FALEC: variants seen among roughly 807,000 people sequenced by gnomAD.
FALEC encodes the protein focally amplified lncRNA regulator of ECM1.
At chr1:150,532,718 A>G in the FALEC span, among the ~76,000 whole-genome samples, 1 of 152,040 alleles carries the variant, frequency 6.6e-6, no homozygotes, top group Non-Finnish European at 1.5e-5. Context: ...AGGCAAGGCC[A>G]CTGACTTCGT....
At chr1:150,532,961 C>T in the FALEC span, among the ~76,000 whole-genome samples, 1 of 152,146 alleles carries the variant, frequency 6.6e-6, no homozygotes, top group Non-Finnish European at 1.5e-5. Flanking sequence ...AGAGGAAGAG[C>T]TTTTCCAGGC....
chr1:150,534,820 A>C, the FALEC span, among the ~76,000 whole-genome samples: 1,522 of 148,234 alleles, frequency 0.01, 15 homozygotes, highest in Non-Finnish European at 0.016. Context: ...CCAGCCTGGC[A>C]ACAGAGCAAG....
chr1:150,523,843 G>A, the FALEC span, among the ~76,000 whole-genome samples: 12 of 152,196 alleles, frequency 7.9e-5, no homozygotes, highest in South Asian at 1.2e-3. Context: ...CTTGAGATGG[G>A]AGCTTATCCA....
downstream of FALEC, among the ~76,000 whole-genome samples, chr1:150,518,384 C>CTTTTTTTTTTTT (rs1560269472): frequency 7.8e-6 from 1 of 127,896 alleles, no homozygotes. Context: ...CCAAGTCTCT[C>CTTTTTTTTTTTT]TCTTTTTTTT....
At chr1:150,527,192 C>T in the FALEC span, among the ~76,000 whole-genome samples, 1 of 151,838 alleles carries the variant, frequency 6.6e-6, no homozygotes, top group East Asian at 1.9e-4. Context: ...CAGCCTGGCT[C>T]AGCCTCCCAA....
downstream of FALEC, among the ~76,000 whole-genome samples, chr1:150,522,896 T>TATAC (rs1395200330): frequency 5.9e-5 from 4 of 67,340 alleles, 1 homozygote; most frequent in Non-Finnish European, 1.3e-4. Flanking sequence ...TACGTATATA[T>TATAC]ATATATACAT....
At chr1:150,526,644 A>AT in the FALEC span, among the ~76,000 whole-genome samples, 2 of 149,152 alleles carry the variant, frequency 1.3e-5, no homozygotes, top group African/African-American at 2.5e-5. Context: ...ATTTATTTTT[A>AT]TTTTTTTGAG....
chr1:150,520,783 C>CTTTTTTTTTTTTTTTTTTTT (rs71086518), downstream of FALEC, among the ~76,000 whole-genome samples: 50 of 42,820 alleles, frequency 1.2e-3, 1 homozygote, highest in Non-Finnish European at 1.9e-3. Context: ...CTTTTCTTTT[C>CTTTTTTTTTTTTTTTTTTTT]TTTTTTTTTT....
At chr1:150,529,691 G>C in the FALEC span, among the ~76,000 whole-genome samples, 3 of 151,668 alleles carry the variant, frequency 2.0e-5, no homozygotes, top group Non-Finnish European at 4.4e-5. Context: ...TCCGCCTCCC[G>C]GGTTCACGCC....
At chr1:150,534,670 C>T in the FALEC span, among the ~76,000 whole-genome samples, 3 of 151,832 alleles carry the variant, frequency 2.0e-5, no homozygotes, top group Admixed American at 1.3e-4. Flanking sequence ...GGTGAAACCC[C>T]GTCTGTACTA....
chr1:150,521,220 A>C (rs960838067), downstream of FALEC, among the ~76,000 whole-genome samples: 1 of 152,236 alleles, frequency 6.6e-6, no homozygotes, highest in Non-Finnish European at 1.5e-5. Flanking sequence ...AAAATGGTAG[A>C]TATTGCATGA....
At chr1:150,524,075 G>A in the FALEC span, among the ~76,000 whole-genome samples, 2 of 152,164 alleles carry the variant, frequency 1.3e-5, no homozygotes, top group Non-Finnish European at 2.9e-5. Context: ...ACTCATTTTG[G>A]ACATTTGGCC....
intron 1 of FALEC, chr1:150,516,145 T>G (rs1446636351): frequency 2.0e-5 from 3 of 150,786 alleles, no homozygotes; most frequent in African/African-American, 7.3e-5. Context: ...TCCCAGCTAC[T>G]CGGGAGGCTG....
chr1:150,521,935 T>C (rs1182433857), downstream of FALEC, among the ~76,000 whole-genome samples: 1 of 152,196 alleles, frequency 6.6e-6, no homozygotes, highest in Non-Finnish European at 1.5e-5. Context: ...TACAGATTCT[T>C]TAAGTAAGTC....
At chr1:150,518,910 G>T (rs1670604503), downstream of FALEC, among the ~76,000 whole-genome samples, 1 of 151,922 alleles carries the variant, frequency 6.6e-6, no homozygotes, top group African/African-American at 2.4e-5. Flanking sequence ...TACAAAATTA[G>T]CTGGGTGTGG....
At chr1:150,533,738 G>GT in the FALEC span, among the ~76,000 whole-genome samples, 2,566 of 152,126 alleles carry the variant, frequency 0.017, 76 homozygotes, top group African/African-American at 0.056. Flanking sequence ...TGCCCAGCCT[G>GT]TTTTTTTCAG....
chr1:150,515,831 AC>A (rs1670560356), exon 1 of FALEC: 2 of 151,090 alleles, frequency 1.3e-5, no homozygotes, highest in African/African-American at 2.4e-5. Context: ...CAATTCCCCT[AC>A]CCCCCGGTCC....
At chr1:150,531,233 G>A in the FALEC span, among the ~76,000 whole-genome samples, 74 of 152,342 alleles carry the variant, frequency 4.9e-4, no homozygotes, top group African/African-American at 1.8e-3. Context: ...AGTGGCTCAT[G>A]CCTGTAATCC....
chr1:150,523,413 G>A, the FALEC span, among the ~76,000 whole-genome samples: 10 of 151,522 alleles, frequency 6.6e-5, no homozygotes, highest in African/African-American at 2.4e-4. Flanking sequence ...TAGCACTTTG[G>A]GAGGCCAAAG....
Sources: allele counts gnomAD v4.1 joint callset (sites outside exome capture counted in the v4.1 genomes callset), GRCh38; gene constraint gnomAD v4.1.1; transcripts MANE v1.5; gene names NCBI Gene and HGNC (gene_info 2026-07-23, HGNC 2026-07-21).